Variants in CUL3 observed in about 807,000 individuals in gnomAD.
CUL3 encodes cullin 3, also known as cullin-3.
CUL3 carries 19 observed loss-of-function variants against 89.1 expected under a neutral mutation model. That is an observed-to-expected ratio of 0.21 (90% confidence interval 0.15 to 0.31). The LOEUF is 0.31. CUL3 is among the 10% of genes least tolerant of loss of function. The pLI is 1.00. For synonymous variants in CUL3, 351 were observed against 308.4 expected (o/e 1.14, Z -1.45); for missense variants, 469 against 942.3 (o/e 0.50, Z 6.58).
chr2:224,580,639 G>A (rs1008815301), intron 1 of CUL3, among the ~76,000 whole-genome samples: 2 of 152,040 alleles, frequency 1.3e-5, no homozygotes, highest in Non-Finnish European at 2.9e-5. Context: ...AGCCAAGATC[G>A]TGCCACTGCA....
intron 1 of CUL3, among the ~76,000 whole-genome samples, chr2:224,572,630 G>GAA (rs67105454): frequency 8.7e-4 from 75 of 86,036 alleles, no homozygotes; most frequent in Non-Finnish European, 9.3e-4. Flanking sequence ...GAGAGTGAGA[G>GAA]AAAAAAAAAA....
intron 1 of CUL3, among the ~76,000 whole-genome samples, chr2:224,577,900 C>T (rs1288078456): frequency 2.0e-5 from 3 of 152,188 alleles, no homozygotes; most frequent in African/African-American, 7.2e-5. Flanking sequence ...AGAGTGCTCA[C>T]TTTAGAGCCA....
chr2:224,552,903 A>G (rs189822074), intron 2 of CUL3, among the ~76,000 whole-genome samples: 29 of 152,354 alleles, frequency 1.9e-4, no homozygotes, highest in African/African-American at 7.0e-4. Context: ...CTGTGAGATT[A>G]AAGATAGGTA....
chr2:224,488,557 C>T (rs113225705), intron 13 of CUL3, among the ~76,000 whole-genome samples: 2 of 152,306 alleles, frequency 1.3e-5, no homozygotes, highest in African/African-American at 4.8e-5. Context: ...CCTCCCAAGA[C>T]TAAGCCAGGA....
At position 224,543,757 on chromosome 2, in the gene CUL3, C is replaced by A. The variant is rs371732477; in HGVS notation, c.265-8116G>T. Among the ~76,000 whole-genome samples the A allele has an allele frequency of 1.3e-5, 2 of 152,204 alleles. 1 individual carries two copies. The highest frequency in any genetic ancestry group is 4.1e-4 in the South Asian group (2 of 4,822). ...CAGCACTCTGTGAGGTTGACGTGGG[C>A]ACAATGGCTTGAGCTCAGGAATTCA... On this transcript the variant is annotated intron_variant, in intron 2 of 15. Transcript: ENST00000264414.
intron 1 of CUL3, among the ~76,000 whole-genome samples, chr2:224,581,685 T>C (rs886323564): frequency 2.6e-5 from 4 of 151,586 alleles, no homozygotes; most frequent in Non-Finnish European, 5.9e-5. Context: ...GTATTTTTAG[T>C]AGAGACAGGG....
chr2:224,579,178 A>C (rs1373742189), intron 1 of CUL3, among the ~76,000 whole-genome samples: 1 of 152,244 alleles, frequency 6.6e-6, no homozygotes, highest in Non-Finnish European at 1.5e-5. Flanking sequence ...CTAACTTCTA[A>C]AGTCATAGTA....
Position 224,478,254 on chromosome 2 carries a change from T to C in CUL3, c.2121A>G (p.Ile707Met), listed in dbSNP as rs1375147112. ...DDRKHEIEAA[I>M]VRIMKSRKKM... ...TCTTTCTAGATTTCATTATCCGCAC[T>C]ATAGCAGCTTCTATCTCATGTTTTC... The change falls in exon 15 of 16, where the codon ATA becomes ATG. Residue 707 changes from isoleucine (I) to methionine (M), a missense_variant. Ile to Met is a conservative substitution (Grantham distance 10, BLOSUM62 1). Around this residue, in one of 4 missense-constraint regions of CUL3, gnomAD observed 65 missense variants for 147.8 expected, o/e 0.44. Coordinates refer to ENST00000264414, the MANE Select transcript of CUL3 (RefSeq NM_003590.5). 1.2e-6 allele frequency: 2 copies of C among 1,613,808 alleles called. No homozygotes were observed. The highest frequency in any genetic ancestry group is 1.7e-6 in the Non-Finnish European group (2 of 1,179,810).
chr2:224,578,870 T>A lies in CUL3; in HGVS notation c.66+6074A>T, dbSNP rs567522650. On this transcript the variant is annotated intron_variant, in intron 1 of 15. Transcript: ENST00000264414. ...CAATGTATAATATAAAAAAAAGGCA[T>A]ACCACTTTTTCTAGCCTTAATCATA... Among the ~76,000 whole-genome samples the A allele has an allele frequency of 8.9e-4, 135 of 152,280 alleles. No homozygotes were observed. In the Middle Eastern group the frequency reaches 0.01, roughly 12 times the overall value.
chr2:224,573,898 G>A (rs937510961), intron 1 of CUL3, among the ~76,000 whole-genome samples: 2 of 152,124 alleles, frequency 1.3e-5, no homozygotes, highest in Admixed American at 1.3e-4. Context: ...CCTACCACAA[G>A]TCAGACATTC....
chr2:224,476,170 C>T (rs1449342202), intron 15 of CUL3, among the ~76,000 whole-genome samples: 1 of 151,920 alleles, frequency 6.6e-6, no homozygotes, highest in Non-Finnish European at 1.5e-5. Flanking sequence ...ATTACAGGCA[C>T]CCACCACCAG....
intron 2 of CUL3, among the ~76,000 whole-genome samples, chr2:224,540,549 TC>T (rs2106273756): frequency 6.6e-6 from 1 of 152,288 alleles, no homozygotes; most frequent in African/African-American, 2.4e-5. Context: ...TGATATAACA[TC>T]CAGGACTAGG....
rs577466695 is a variant in CUL3 at position 224,517,288 on chromosome 2, G to A, written c.379-2516C>T. Among the ~76,000 whole-genome samples, 43 of 152,252 alleles carry A rather than the reference G, an allele frequency of 2.8e-4. 1 individual carries two copies. Among genetic ancestry groups the A allele is most frequent in the Admixed American group, 3.9e-4 (6 of 15,290 alleles). ...AACTATTAAACATATACACACATTT[G>A]CATCCTGAACATTTTAATTTAAAAA... On this transcript the variant is annotated intron_variant, in intron 3 of 15. Coordinates refer to ENST00000264414, the MANE Select transcript of CUL3 (RefSeq NM_003590.5).
chr2:224,541,234 T>G (rs1346352546), intron 2 of CUL3, among the ~76,000 whole-genome samples: 1 of 145,466 alleles, frequency 6.9e-6, no homozygotes, highest in East Asian at 2.0e-4. Flanking sequence ...AAAAAAAAAC[T>G]CTTAGAACTT....
Position 224,474,099 on chromosome 2 carries a change from G to T in CUL3, c.*146C>A. ...CAACTGATGTTGGAAACTCTCAAAG[G>T]GAGTAAAGGCTTGATCTCAATGGTC... is the stretch of plus-strand genomic sequence containing the variant. On this transcript the variant is annotated 3_prime_UTR_variant, in exon 16 of 16. Coordinates refer to ENST00000264414, the MANE Select transcript of CUL3 (RefSeq NM_003590.5). The T allele has an allele frequency of 1.4e-6, 1 of 707,826 alleles. No homozygotes were observed. Among genetic ancestry groups the T allele is most frequent in the Non-Finnish European group, 2.2e-6 (1 of 459,482 alleles). The allele number at this position is 707,826 out of a possible 1,614,324, so 43.8% of individuals were successfully genotyped here. A position where few individuals can be genotyped will look rare whatever the true frequency, so the allele number is the denominator to read the frequency against.
At chr2:224,553,491 T>C (rs1694593891) in intron 2 of CUL3, among the ~76,000 whole-genome samples, 1 of 152,232 alleles carries the variant, frequency 6.6e-6, no homozygotes, top group South Asian at 2.1e-4. Flanking sequence ...TGAATGCATG[T>C]TTTGGGGGAA....
chr2:224,563,242 C>T (rs1281324693), intron 1 of CUL3: 2 of 471,368 alleles, frequency 4.2e-6, no homozygotes, highest in Admixed American at 2.3e-5. Context: ...CCCTACATCT[C>T]TTGTATACTA....
intron 2 of CUL3, among the ~76,000 whole-genome samples, chr2:224,547,844 A>G (rs548732495): frequency 7.4e-4 from 113 of 152,292 alleles, no homozygotes; most frequent in Middle Eastern, 6.8e-3. Context: ...AGTCTGTTTA[A>G]TTGACATAAA....
At chr2:224,579,189 G>A (rs1695379454) in intron 1 of CUL3, among the ~76,000 whole-genome samples, 2 of 152,196 alleles carry the variant, frequency 1.3e-5, no homozygotes, top group East Asian at 3.9e-4. Flanking sequence ...AGTCATAGTA[G>A]TACTAACAGC....
Sources: gnomAD v4.1 joint callset for allele counts (sites outside exome capture counted in the v4.1 genomes callset) on GRCh38, gnomAD v4.1.1 for gene constraint, gnomAD v4.1.1 regional missense constraint, MANE v1.5 for transcripts, NCBI Gene and HGNC (gene_info 2026-07-23, HGNC 2026-07-21) for gene names.